RUSC1: variants seen among roughly 807,000 people sequenced by gnomAD.
The protein encoded by RUSC1 is AP-4 complex accessory subunit RUSC1.
Under a neutral mutation model 72.1 loss-of-function variants are expected in RUSC1, and 40 were observed. The ratio of observed to expected loss-of-function variants is 0.55; its 90% CI spans 0.43 to 0.72. The LOEUF is 0.72. RUSC1 is among the 30% of genes least tolerant of loss of function. The pLI is 0.00. For synonymous variants in RUSC1, 512 were observed against 494.2 expected (o/e 1.04, Z -0.48); for missense variants, 1,092 against 1,172.3 (o/e 0.93, Z 1.00).
At chr1:155,328,883 C>T (rs1170288903) in intron 9 of RUSC1, among the ~76,000 whole-genome samples, 1 of 152,102 alleles carries the variant, frequency 6.6e-6, no homozygotes, top group Non-Finnish European at 1.5e-5. Flanking sequence ...TAGGCGTGAG[C>T]CACTGTGCCC....
chr1:155,321,293 C>A lies in RUSC1; in HGVS notation c.-87+302C>A, dbSNP rs927483904. The A allele has an allele frequency of 3.6e-6, 5 of 1,370,504 alleles. No individual in the cohort carries two copies. In the East Asian group the frequency reaches 2.3e-4, roughly 62 times the overall value. 84.9% of individuals were successfully genotyped at this position (1,370,504 alleles called of 1,614,324 possible). A position where few individuals can be genotyped will look rare whatever the true frequency, so the allele number is the denominator to read the frequency against. The stretch of plus-strand genomic sequence containing the variant: ...CTCTGCGTATTGCCCCACCCCCATC[C>A]TCCACCTCCTTTCAGGGCATCTGGG... On this transcript the variant is annotated intron_variant, in intron 1 of 9. Coordinates refer to ENST00000368352, the MANE Select transcript of RUSC1 (RefSeq NM_001105203.2).
chr1:155,321,885 A>G lies in RUSC1; in HGVS notation c.112A>G (p.Ser38Gly). The part of the protein sequence containing the change: ...RRPELQEGPL[S>G]TPPPPGDTGG... ...TCCTGAGCTACAGGAGGGGCCTTTG[A>G]GCACACCCCCTCCTCCAGGAGACAC... The change falls in exon 2 of 10, where the codon AGC (serine) becomes GGC (glycine). Residue 38 changes from serine (S) to glycine (G), a missense_variant. By Grantham distance (56) the Ser-to-Gly change is moderately conservative (BLOSUM62 0). Transcript: ENST00000368352. 6.2e-7 allele frequency: 1 copy of G among 1,612,968 alleles called. No homozygotes were observed. Among genetic ancestry groups the G allele is most frequent in the Non-Finnish European group, 8.5e-7 (1 of 1,179,710 alleles).
chr1:155,326,118 C>T lies in RUSC1; in HGVS notation c.1861+208C>T, dbSNP rs1319364025. ...TTGGCTGTCTGGCCTCTGCCCTCTT[C>T]CCCTGCCTTGGAGGGTCTTGCCAAC... On this transcript the variant is annotated intron_variant, in intron 7 of 9. Transcript: ENST00000368352. The surrounding 1 kb of genome is among the most constrained non-coding windows in gnomAD (Gnocchi z 4.7). The T allele has an allele frequency of 4.8e-6, 3 of 623,640 alleles. No individual in the cohort carries two copies. Among genetic ancestry groups the T allele is most frequent in the Non-Finnish European group, 8.4e-6 (3 of 356,264 alleles). The allele number at this position is 623,640 out of a possible 1,614,324, so 38.6% of individuals were successfully genotyped here.
chr1:155,328,278 AAGG>A lies in RUSC1; in HGVS notation c.2540+8_2540+10del, dbSNP rs746352491. The A allele has an allele frequency of 3.1e-6, 5 of 1,607,346 alleles. No homozygotes were observed. Among genetic ancestry groups the A allele is most frequent in the Non-Finnish European group, 4.3e-6 (5 of 1,176,466 alleles). ...CCCAGGATGGTGCAAACCCATAGGT[AAGG>A]AGGATTGGGGAGAATGCACTAGTGT... On this transcript the variant is annotated splice_donor_5th_base_variant and intron_variant, in intron 9 of 9. Coordinates refer to ENST00000368352, the MANE Select transcript of RUSC1 (RefSeq NM_001105203.2).
chr1:155,321,504 T>G, intron 1 of RUSC1, 184 bp from the exon 2 acceptor site: 1 of 1,472,386 alleles, frequency 6.8e-7, no homozygotes, highest in Non-Finnish European at 9.1e-7. Context: ...GGGGGTTACA[T>G]TCGACTCCAT....
At position 155,325,345 on chromosome 1, in the gene RUSC1, G is replaced by T; in HGVS notation, c.1563G>T (p.Pro521=). 6.3e-7 allele frequency: 1 copy of T among 1,599,748 alleles called. No homozygotes were observed. Residue 521 remains proline (P), a synonymous_variant, in exon 5 of 10, where the codon CCG becomes CCT. Transcript: ENST00000368352. The surrounding 1 kb of genome is among the most constrained non-coding windows in gnomAD (Gnocchi z 6.5). ...KAQLGDSRLS[P]DVGHLVLTTL... ...AGTTGGGTGATAGCCGGCTGAGCCC[G>T]GATGTGGGGCACCTGGTGCTGACCA...
Position 155,322,299 on chromosome 1 carries a change from C to G in RUSC1, c.526C>G (p.Pro176Ala), listed in dbSNP as rs1650652719. 1 of 1,611,166 alleles carries G rather than the reference C, an allele frequency of 6.2e-7. No individual in the cohort carries two copies. The highest frequency in any genetic ancestry group is 8.5e-7 in the Non-Finnish European group (1 of 1,177,996). ...SCSGASSSPD[P>A]GLDSNCNALT... ...CTCCGGAGCTTCTTCTTCACCCGATCCTGGCCTGGACTCGAACTGCAACGC... is the reference window on the plus strand; with the variant it reads ...CTCCGGAGCTTCTTCTTCACCCGATGCTGGCCTGGACTCGAACTGCAACGC... The change falls in exon 2 of 10, where the codon CCT becomes GCT. Residue 176 changes from proline to alanine, a missense_variant. Coordinates refer to ENST00000368352, the MANE Select transcript of RUSC1 (RefSeq NM_001105203.2).
At position 155,326,209 on chromosome 1, in the gene RUSC1, T is replaced by C; in HGVS notation, c.1861+299T>C. 1 of 554,458 alleles carries C rather than the reference T, an allele frequency of 1.8e-6. No individual in the cohort carries two copies. Among genetic ancestry groups the C allele is most frequent in the Non-Finnish European group, 3.2e-6 (1 of 310,158 alleles). 34.3% of individuals were successfully genotyped at this position (554,458 alleles called of 1,614,324 possible). ...ATGCTGTTCCTCTACCTTCTGCCCC[T>C]CCTGCTTCCTCTGAACTATCATTCA... On this transcript the variant is annotated intron_variant, in intron 7 of 9. Coordinates refer to ENST00000368352, the MANE Select transcript of RUSC1 (RefSeq NM_001105203.2). This position sits in a 1 kb window ranked among gnomAD's most constrained non-coding sequence, Gnocchi z 4.7.
In RUSC1 at chr1:155,327,109, T is replaced by C; in HGVS notation, c.2391T>C (p.Asn797=). Residue 797 remains asparagine, a synonymous_variant, in exon 8 of 10, where the codon AAT becomes AAC. Transcript: ENST00000368352. ...GAGTGCCTGGGGGCCCCGCAGAAAATGAGAATGGAGCCCTAAAGTCCAGGT... is the reference window on the plus strand; with the variant it reads ...GAGTGCCTGGGGGCCCCGCAGAAAACGAGAATGGAGCCCTAAAGTCCAGGT... The part of the protein sequence containing the change: ...LFGVPGGPAE[N]ENGALKSRRP... 1.2e-6 allele frequency: 2 copies of C among 1,606,454 alleles called. No homozygotes were observed. Among genetic ancestry groups the C allele is most frequent in the Non-Finnish European group, 1.7e-6 (2 of 1,174,936 alleles).
chr1:155,321,889 C>T lies in RUSC1; in HGVS notation c.116C>T (p.Thr39Ile). 1 of 1,612,772 alleles carries T rather than the reference C, an allele frequency of 6.2e-7. No individual in the cohort carries two copies. The highest frequency in any genetic ancestry group is 8.5e-7 in the Non-Finnish European group (1 of 1,179,600). Residue 39 changes from threonine (T) to isoleucine (I), a missense_variant, in exon 2 of 10, where the codon ACA becomes ATA. By Grantham distance (89) the Thr-to-Ile change is moderately conservative (BLOSUM62 -1). Transcript: ENST00000368352. Reference sequence around the variant, plus strand: ...GAGCTACAGGAGGGGCCTTTGAGCACACCCCCTCCTCCAGGAGACACTGGG... The same window carrying T: ...GAGCTACAGGAGGGGCCTTTGAGCATACCCCCTCCTCCAGGAGACACTGGG... ...RPELQEGPLS[T>I]PPPPGDTGGK...
Position 155,328,214 on chromosome 1 carries a change from C to A in RUSC1, c.2479C>A (p.Pro827Thr). 6.2e-7 allele frequency: 1 copy of A among 1,613,432 alleles called. No individual in the cohort carries two copies. Among genetic ancestry groups the A allele is most frequent in the Non-Finnish European group, 8.5e-7 (1 of 1,179,718 alleles). The change falls in exon 9 of 10, where the codon CCC (proline) becomes ACC (threonine). Residue 827 changes from proline (P) to threonine (T), a missense_variant. Physicochemically the swap from Pro to Thr is conservative, Grantham distance 38. Transcript: ENST00000368352. Reference protein sequence around the residue: ...VLALVKRGAPPEMPSPQELEA... With the variant: ...VLALVKRGAPTEMPSPQELEA... ...GGCTCTTGTGAAGCGGGGGGCACCT[C>A]CCGAGATGCCTTCTCCTCAGGAGCT...
At position 155,322,076 on chromosome 1, in the gene RUSC1, C is replaced by G; in HGVS notation, c.303C>G (p.Gly101=). ...EEGAASPSDP[G]CSSSLSSCSD... Reference sequence around the variant, plus strand: ...GGGCTGCCTCTCCCTCAGACCCAGGCTGCTCCTCCTCACTCAGCTCCTGCT... The same window carrying G: ...GGGCTGCCTCTCCCTCAGACCCAGGGTGCTCCTCCTCACTCAGCTCCTGCT... Residue 101 remains glycine, a synonymous_variant, in exon 2 of 10, where the codon GGC becomes GGG. Coordinates refer to ENST00000368352, the MANE Select transcript of RUSC1 (RefSeq NM_001105203.2). 1 of 1,613,894 alleles carries G rather than the reference C, an allele frequency of 6.2e-7. No individual in the cohort carries two copies. The highest frequency in any genetic ancestry group is 8.5e-7 in the Non-Finnish European group (1 of 1,179,828).
rs758988687 is a variant in RUSC1, at chr1:155,325,709, T to C, written c.1814+37T>C. ...TCTTTCCAGTGCCCTTCCCACGACC[T>C]GGGACTGCAGGAGCGTCATGGGTGG... On this transcript the variant is annotated intron_variant, in intron 6 of 9. Transcript: ENST00000368352. This position sits in a 1 kb window ranked among gnomAD's most constrained non-coding sequence, Gnocchi z 6.5. The C allele has an allele frequency of 1.9e-6, 3 of 1,607,560 alleles. No homozygotes were observed. The highest frequency in any genetic ancestry group is 1.7e-4 in the Middle Eastern group (1 of 6,034).
At chr1:155,324,805 A>C (rs1452095138) in intron 2 of RUSC1, 40 bp from the exon 3 acceptor site, 1 of 1,613,968 alleles carries the variant, frequency 6.2e-7, no homozygotes, top group East Asian at 2.2e-5. Flanking sequence ...TCGGAATAAC[A>C]CTTGGTAAGT....
At chr1:155,328,639 C>T (rs1254911340) in intron 9 of RUSC1, among the ~76,000 whole-genome samples, 2 of 151,474 alleles carry the variant, frequency 1.3e-5, no homozygotes, top group Admixed American at 6.6e-5. Context: ...CTAGCTCTGT[C>T]GCCAAGCTGA....
intron 1 of RUSC1, chr1:155,321,416 G>T (rs752922774): frequency 2.9e-5 from 41 of 1,400,766 alleles, no homozygotes; most frequent in Non-Finnish European, 3.6e-5. Flanking sequence ...TCTGGGCCCG[G>T]ACCTCTTCCA....
Position 155,325,603 on chromosome 1 carries a change from A to T in RUSC1, c.1745A>T (p.Gln582Leu), listed in dbSNP as rs1315104587. Reference sequence around the variant, plus strand: ...CGCTCCCTTGGAACCCTGTATAGCCAGGTCAGCCGTCTAGCCCCGCTGAGC... The same window carrying T: ...CGCTCCCTTGGAACCCTGTATAGCCTGGTCAGCCGTCTAGCCCCGCTGAGC... ...STRSLGTLYS[Q>L]VSRLAPLSSS... The change falls in exon 6 of 10, where the codon CAG becomes CTG. Residue 582 changes from glutamine (Q) to leucine (L), a missense_variant. Coordinates refer to ENST00000368352, the MANE Select transcript of RUSC1 (RefSeq NM_001105203.2). This position sits in a 1 kb window ranked among gnomAD's most constrained non-coding sequence, Gnocchi z 6.5. 3 of 1,612,500 alleles carry T rather than the reference A, an allele frequency of 1.9e-6. No individual in the cohort carries two copies. Among genetic ancestry groups the T allele is most frequent in the Non-Finnish European group, 1.7e-6 (2 of 1,179,976 alleles).
intron 2 of RUSC1, chr1:155,324,596 T>C: frequency 6.4e-7 from 1 of 1,554,164 alleles, no homozygotes; most frequent in Non-Finnish European, 8.6e-7. Context: ...AGGTGGGGGC[T>C]GTGCCCTGAG....
chr1:155,329,953 GAAAAA>G (rs1025418792), intron 9 of RUSC1, among the ~76,000 whole-genome samples: 4 of 45,982 alleles, frequency 8.7e-5, no homozygotes, highest in East Asian at 6.8e-4. Flanking sequence ...TCTGTCTCAA[GAAAAA>G]AAAAAAAAAA....
Sources: allele counts gnomAD v4.1 joint callset (sites outside exome capture counted in the v4.1 genomes callset), GRCh38; gene constraint gnomAD v4.1.1; non-coding constraint Gnocchi (gnomAD v3.1); transcripts MANE v1.5; gene names NCBI Gene and HGNC (gene_info 2026-07-23, HGNC 2026-07-21).